Variants in GRM8 observed in about 807,000 individuals in gnomAD.
GRM8 encodes the protein glutamate metabotropic receptor 8, also known as metabotropic glutamate receptor 8.
In GRM8, 47 loss-of-function variants were observed where a neutral mutation model predicts 87.2. That is an observed-to-expected ratio of 0.54 (90% confidence interval 0.43 to 0.69). The LOEUF (loss-of-function observed/expected upper bound fraction) is 0.69, where lower values mean the gene tolerates loss of function less well. GRM8 is among the 30% of genes least tolerant of loss of function. GRM8 has a pLI of 0.00. For synonymous variants in GRM8, 396 were observed against 404.5 expected, an observed-to-expected ratio of 0.98 and a Z score of 0.25; for missense variants, 1,019 against 1,139.2, an observed-to-expected ratio of 0.89 and a Z score of 1.52.
intron 10 of GRM8, among the ~76,000 whole-genome samples, chr7:126,444,123 A>T (rs61267838): frequency 0.019 from 2,931 of 152,056 alleles, 88 homozygotes; most frequent in African/African-American, 0.067. Context: ...GACTCTGGTG[A>T]GTCATAGTGA....
intron 9 of GRM8, among the ~76,000 whole-genome samples, chr7:126,493,637 G>A (rs1011575637): frequency 3.9e-5 from 6 of 152,004 alleles, no homozygotes; most frequent in Non-Finnish European, 7.4e-5. Flanking sequence ...GCCTCCCTAA[G>A]TAGAACATGT....
chr7:126,771,236 T>C (rs1488779356), intron 6 of GRM8, among the ~76,000 whole-genome samples: 2 of 152,108 alleles, frequency 1.3e-5, no homozygotes, highest in Non-Finnish European at 2.9e-5. Flanking sequence ...ATTTGTATAT[T>C]TACACTCTGA....
intron 6 of GRM8, among the ~76,000 whole-genome samples, chr7:126,883,881 G>C (rs1260599173): frequency 1.3e-5 from 2 of 152,120 alleles, no homozygotes; most frequent in African/African-American, 4.8e-5. Context: ...AATCAATGAA[G>C]AAATGGAAAA....
chr7:126,824,004 C>A (rs1794531110), intron 6 of GRM8, among the ~76,000 whole-genome samples: 1 of 152,124 alleles, frequency 6.6e-6, no homozygotes, highest in Non-Finnish European at 1.5e-5. Flanking sequence ...AGAAGGCAAT[C>A]TCTCTTAAAT....
At position 126,600,381 on chromosome 7, in the gene GRM8, A is replaced by G. The variant is rs138125675; in HGVS notation, c.1494+8981T>C. Among the ~76,000 whole-genome samples, 25 of 152,210 alleles carry G rather than the reference A, an allele frequency of 1.6e-4. No homozygotes were observed. In the East Asian group the frequency reaches 4.1e-3, roughly 25 times the overall value. ...TAAGAAGGCCTGATTTTTCATATGC[A>G]TGGCTTCTGACTAGGGGAAATGATC... On this transcript the variant is annotated intron_variant, in intron 8 of 10. Transcript: ENST00000339582.
At position 126,439,109 on chromosome 7, in the gene GRM8, T is replaced by C; in HGVS notation, c.*10A>G. 2 of 1,536,602 alleles carry C rather than the reference T, an allele frequency of 1.3e-6. No homozygotes were observed. Among genetic ancestry groups the C allele is most frequent in the Non-Finnish European group, 1.8e-6 (2 of 1,109,750 alleles). On this transcript the variant is annotated 3_prime_UTR_variant, in exon 11 of 11. Coordinates refer to ENST00000339582, the MANE Select transcript of GRM8 (RefSeq NM_000845.3). The stretch of plus-strand genomic sequence containing the variant: ...TACCACATCTCTTCAGATTGTGCCA[T>C]TTCCCTGTTTCAGATTGAATGATTG...
intron 3 of GRM8, among the ~76,000 whole-genome samples, chr7:126,931,489 T>A (rs530840961): frequency 7.9e-5 from 12 of 152,320 alleles, no homozygotes; most frequent in African/African-American, 2.9e-4. Context: ...GCATTTCATA[T>A]CATTCACAGA....
intron 8 of GRM8, among the ~76,000 whole-genome samples, chr7:126,588,050 C>T (rs1318484633): frequency 6.6e-6 from 1 of 152,092 alleles, no homozygotes; most frequent in Non-Finnish European, 1.5e-5. Context: ...TCAGCAGTCT[C>T]AAGGACAATG....
intron 3 of GRM8, among the ~76,000 whole-genome samples, chr7:127,000,269 G>A (rs1260057609): frequency 6.6e-6 from 1 of 151,578 alleles, no homozygotes; most frequent in Non-Finnish European, 1.5e-5. Context: ...GGTGGGGCAG[G>A]GAGTGGGAAT....
chr7:126,933,496 C>G (rs1055190175), intron 3 of GRM8, among the ~76,000 whole-genome samples: 8 of 152,266 alleles, frequency 5.3e-5, no homozygotes, highest in Non-Finnish European at 1.2e-4. Context: ...TTCTCTGAAC[C>G]CACATTTACC....
At chr7:127,166,545 T>C (rs1191009923) in intron 2 of GRM8, among the ~76,000 whole-genome samples, 2 of 152,110 alleles carry the variant, frequency 1.3e-5, no homozygotes, top group African/African-American at 4.8e-5. Flanking sequence ...CAACCAAAGA[T>C]TGGCTCATGC....
chr7:126,451,307 G>C (rs1019928030), intron 9 of GRM8, among the ~76,000 whole-genome samples: 2 of 151,750 alleles, frequency 1.3e-5, no homozygotes, highest in African/African-American at 4.8e-5. Flanking sequence ...AGAGCAGGTG[G>C]ACAGGGAACT....
Position 127,060,155 on chromosome 7 carries a change from C to T in GRM8, c.727+46341G>A, listed in dbSNP as rs188183554. On this transcript the variant is annotated intron_variant, in intron 3 of 10. Coordinates refer to ENST00000339582, the MANE Select transcript of GRM8 (RefSeq NM_000845.3). ...CATCTTTCTGAGAATTACATGACAT[C>T]GAAAGGCAAGTTTTCAAACAAGTTT... Among the ~76,000 whole-genome samples the T allele has an allele frequency of 1.3e-3, 194 of 152,210 alleles. 1 individual carries two copies. The highest frequency in any genetic ancestry group is 4.4e-3 in the African/African-American group (181 of 41,526).
intron 3 of GRM8, among the ~76,000 whole-genome samples, chr7:126,936,189 T>A (rs2131488898): frequency 6.6e-6 from 1 of 152,292 alleles, no homozygotes; most frequent in Non-Finnish European, 1.5e-5. Context: ...CAGAAAATGA[T>A]CGATATTTGA....
At chr7:126,477,575 GAAAGAGAGAA>G (rs759836380) in intron 9 of GRM8, among the ~76,000 whole-genome samples, 3,315 of 89,004 alleles carry the variant, frequency 0.037, 55 homozygotes, top group Non-Finnish European at 0.046. Flanking sequence ...AAGAAAGAAA[GAAAGAGAGAA>G]AGAAAGAAAG....
chr7:126,895,844 TA>T (rs1240176001), intron 6 of GRM8, among the ~76,000 whole-genome samples: 1 of 151,922 alleles, frequency 6.6e-6, no homozygotes, highest in African/African-American at 2.4e-5. Flanking sequence ...TACTACTTTA[TA>T]AAGGATTAGG....
chr7:126,910,798 G>A (rs1345581190), intron 3 of GRM8, among the ~76,000 whole-genome samples: 4 of 152,136 alleles, frequency 2.6e-5, no homozygotes, highest in East Asian at 1.9e-4. Context: ...GAGTGGTCAG[G>A]TGTCACAGAT....
At chr7:126,532,773 A>G (rs1815040907) in intron 9 of GRM8, among the ~76,000 whole-genome samples, 179 bp downstream of exon 9, 4 of 7,390 alleles carry the variant, frequency 5.4e-4, no homozygotes, top group Non-Finnish European at 1.0e-3. Context: ...AGATATATAT[A>G]TATATATATA....
intron 2 of GRM8, among the ~76,000 whole-genome samples, chr7:127,115,685 T>G (rs1826660834): frequency 6.6e-6 from 1 of 152,212 alleles, no homozygotes; most frequent in Non-Finnish European, 1.5e-5. Context: ...AATTACATTT[T>G]ACAATAAGAA....
Sources: allele counts gnomAD v4.1 joint callset (sites outside exome capture counted in the v4.1 genomes callset), GRCh38; gene constraint gnomAD v4.1.1; transcripts MANE v1.5; gene names NCBI Gene and HGNC (gene_info 2026-07-23, HGNC 2026-07-21).